The following SYNPO variants were observed in gnomAD, a reference collection of about 807,000 sequenced individuals.
SYNPO encodes the protein synaptopodin.
A neutral mutation model predicts 49.5 loss-of-function variants in SYNPO; 19 were observed. The ratio of observed to expected loss-of-function variants is 0.38; its 90% confidence interval spans 0.27 to 0.56. SYNPO has a LOEUF of 0.56. Among genes scored for constraint, SYNPO ranks in the 20% least tolerant of loss-of-function variants. The pLI, the probability that SYNPO is intolerant of heterozygous loss-of-function variation, is 0.68. For synonymous variants in SYNPO, 536 were observed against 548.0 expected, an observed-to-expected ratio of 0.98 and a Z score of 0.31; for missense variants, 1,131 against 1,248.3, an observed-to-expected ratio of 0.91 and a Z score of 1.42.
chr5:150,620,938 T>C (rs1757146684), intron 2 of SYNPO, among the ~76,000 whole-genome samples: 1 of 136,548 alleles, frequency 7.3e-6, no homozygotes. Flanking sequence ...TCTTTCTTTC[T>C]TTCTTTCTTT....
intron 1 of SYNPO, among the ~76,000 whole-genome samples, chr5:150,647,477 T>G (rs993209532): frequency 2.0e-5 from 3 of 152,136 alleles, no homozygotes; most frequent in African/African-American, 7.2e-5. Flanking sequence ...GGGAAAAGAT[T>G]ATTCCAAGGA....
chr5:150,607,648 G>A (rs947750523), intron 1 of SYNPO, among the ~76,000 whole-genome samples: 10 of 152,188 alleles, frequency 6.6e-5, no homozygotes, highest in African/African-American at 1.4e-4. Flanking sequence ...CAGCTGGTAC[G>A]TGGCAGAATG....
At chr5:150,620,795 C>T (rs1421575889) in intron 2 of SYNPO, among the ~76,000 whole-genome samples, 1 of 152,140 alleles carries the variant, frequency 6.6e-6, no homozygotes, top group Non-Finnish European at 1.5e-5. Context: ...AGATTTAAGT[C>T]CCCTACCCAA....
upstream of SYNPO, among the ~76,000 whole-genome samples, chr5:150,639,366 T>G (rs1757818595): frequency 6.6e-6 from 1 of 152,246 alleles, no homozygotes; most frequent in African/African-American, 2.4e-5. Flanking sequence ...TCCTCTGAGC[T>G]CTGTTCCTGC....
intron 2 of SYNPO, chr5:150,650,608 C>T (rs1471355325): frequency 6.2e-6 from 9 of 1,448,776 alleles, no homozygotes; most frequent in Non-Finnish European, 7.3e-6. Flanking sequence ...AGCCCTGATG[C>T]GGTAGAGGGG....
At chr5:150,608,924 C>T (rs1364050490) in intron 1 of SYNPO, among the ~76,000 whole-genome samples, 1 of 152,228 alleles carries the variant, frequency 6.6e-6, no homozygotes. Flanking sequence ...AGGGTTCCCA[C>T]TCCACAGATG....
At chr5:150,652,516 G>A in intron 2 of SYNPO, 2 of 662,112 alleles carry the variant, frequency 3.0e-6, no homozygotes, top group South Asian at 6.7e-5. Flanking sequence ...ACAGACGTGT[G>A]CTGGGTTGGA....
intron 2 of SYNPO, chr5:150,624,720 G>C: frequency 1.9e-6 from 1 of 532,330 alleles, no homozygotes; most frequent in Non-Finnish European, 2.4e-6. Context: ...CTCCCAGCCC[G>C]GGGTCCCGGA....
chr5:150,627,072 C>A (rs961781938), intron 2 of SYNPO, among the ~76,000 whole-genome samples: 1 of 152,226 alleles, frequency 6.6e-6, no homozygotes, highest in Non-Finnish European at 1.5e-5. Context: ...GCTGAGCACA[C>A]CTCCAGGGCC....
chr5:150,655,738 C>T (rs573688814), intron 2 of SYNPO, among the ~76,000 whole-genome samples: 8 of 152,306 alleles, frequency 5.3e-5, no homozygotes, highest in South Asian at 2.1e-4. Context: ...CTGCAACCTC[C>T]GCCTCTGAGG....
chr5:150,600,043 A>C (rs1756493567), upstream of SYNPO, among the ~76,000 whole-genome samples: 1 of 152,226 alleles, frequency 6.6e-6, no homozygotes, highest in Non-Finnish European at 1.5e-5. Context: ...CAAGCTCAGA[A>C]GAGCCGGGGT....
In SYNPO at chr5:150,649,895, G is replaced by C; in HGVS notation, c.1620G>C (p.Pro540=). The C allele has an allele frequency of 6.2e-7, 1 of 1,610,474 alleles. No individual in the cohort carries two copies. Among genetic ancestry groups the C allele is most frequent in the Admixed American group, 1.7e-5 (1 of 60,026 alleles). Residue 540 remains proline (P), a synonymous_variant, in exon 2 of 3, where the codon CCG becomes CCC. Transcript: ENST00000307662. ...CATCCCGAAGCCCAGCCCGGACCCC[G>C]CCTGCCTCCCTCTACCATGGCTACC... ...RVASRSPART[P]PASLYHGYLP...
chr5:150,604,655 G>A (rs576017899), intron 1 of SYNPO, among the ~76,000 whole-genome samples: 16 of 152,302 alleles, frequency 1.1e-4, no homozygotes, highest in African/African-American at 3.4e-4. Flanking sequence ...TGTAGTAGCC[G>A]TGGGAGCTCA....
At chr5:150,626,588 C>T (rs113490408) in intron 2 of SYNPO, among the ~76,000 whole-genome samples, 1,626 of 152,296 alleles carry the variant, frequency 0.011, 32 homozygotes, top group African/African-American at 0.038. Flanking sequence ...TAAATAAGGC[C>T]TTTAACTCCT....
At chr5:150,589,412 A>AC in the SYNPO span, among the ~76,000 whole-genome samples, 1 of 151,782 alleles carries the variant, frequency 6.6e-6, no homozygotes, top group Non-Finnish European at 1.5e-5. Context: ...CATTGGTTTT[A>AC]CCCCCACTTA....
At position 150,649,027 on chromosome 5, in the gene SYNPO, C is replaced by G; in HGVS notation, c.752C>G (p.Thr251Ser). 6.2e-7 allele frequency: 1 copy of G among 1,614,184 alleles called. No homozygotes were observed. The highest frequency in any genetic ancestry group is 8.5e-7 in the Non-Finnish European group (1 of 1,180,038). Residue 251 changes from threonine (T) to serine (S), a missense_variant, in exon 2 of 3, where the codon ACC becomes AGC. By Grantham distance (58) the Thr-to-Ser change is moderately conservative. Coordinates refer to ENST00000307662, the MANE Select transcript of SYNPO (RefSeq NM_007286.6). ...TTTGGGATCCAGGCGCCAGGGGGCACCAGCCAGATGGAGAGGAGCCCCATG... is the reference window on the plus strand; with the variant it reads ...TTTGGGATCCAGGCGCCAGGGGGCAGCAGCCAGATGGAGAGGAGCCCCATG... Reference protein sequence around the residue: ...RPFGIQAPGGTSQMERSPMLE... With the variant: ...RPFGIQAPGGSSQMERSPMLE...
the SYNPO span, among the ~76,000 whole-genome samples, chr5:150,586,260 C>T: frequency 2.0e-5 from 3 of 152,200 alleles, no homozygotes; most frequent in East Asian, 3.8e-4. Context: ...GTGATAAGCT[C>T]GTTAAACCAC....
At chr5:150,626,433 T>C (rs2151381166) in intron 2 of SYNPO, among the ~76,000 whole-genome samples, 1 of 152,308 alleles carries the variant, frequency 6.6e-6, no homozygotes, top group East Asian at 1.9e-4. Context: ...ATATTCAAAC[T>C]TCCCCCAGGA....
intron 2 of SYNPO, among the ~76,000 whole-genome samples, chr5:150,633,621 G>A (rs1036624714): frequency 6.6e-6 from 1 of 152,232 alleles, no homozygotes; most frequent in African/African-American, 2.4e-5. Flanking sequence ...CACCTCATGA[G>A]GCTGTGCCAA....
Sources: gnomAD v4.1 joint callset for allele counts (sites outside exome capture counted in the v4.1 genomes callset) on GRCh38, gnomAD v4.1.1 for gene constraint, MANE v1.5 for transcripts, NCBI Gene and HGNC (gene_info 2026-07-23, HGNC 2026-07-21) for gene names.